Variants in IGF2R observed in about 807,000 individuals in gnomAD.
IGF2R encodes insulin like growth factor 2 receptor.
A neutral mutation model predicts 270.6 loss-of-function variants in IGF2R; 91 were observed. The observed-to-expected ratio is 0.34, with a 90% CI of 0.28 to 0.40. IGF2R has a LOEUF of 0.40. Among genes scored for constraint, IGF2R ranks in the 10% least tolerant of loss-of-function variants. IGF2R has a pLI of 1.00. For missense variants in IGF2R, 2,805 were observed against 3,188.3 expected (o/e 0.88, Z 2.90); for synonymous variants, 1,316 against 1,258.9 (o/e 1.05, Z -0.96).
intron 1 of IGF2R, among the ~76,000 whole-genome samples, chr6:159,974,411 C>G (rs1783657676): frequency 6.6e-6 from 1 of 152,160 alleles, no homozygotes; most frequent in African/African-American, 2.4e-5. Context: ...GCTTTAGGAG[C>G]TCCTCATGTC....
At chr6:160,068,929 A>G (rs1036025760) in intron 30 of IGF2R, among the ~76,000 whole-genome samples, 3 of 152,150 alleles carry the variant, frequency 2.0e-5, no homozygotes, top group Non-Finnish European at 2.9e-5. Context: ...GCCCAGGGTA[A>G]ATCAGTGCTG....
Position 160,107,938 on chromosome 6 carries a change from C to T in IGF2R, c.*2854C>T, listed in dbSNP as rs144715901. On this transcript the variant is annotated 3_prime_UTR_variant, in exon 48 of 48. Coordinates refer to ENST00000356956, the MANE Select transcript of IGF2R (RefSeq NM_000876.4). ...ATTCCTACAAACAAGGACCTTCACA[C>T]GACTAAGATGCCACCTGGTGATTAA... The T allele has an allele frequency of 7.9e-5, 12 of 152,304 alleles. No individual in the cohort carries two copies. Among genetic ancestry groups the T allele is most frequent in the Admixed American group, 2.0e-4 (3 of 15,310 alleles). The allele number at this position is 152,304 out of a possible 1,614,324, so 9.4% of individuals were successfully genotyped here. A position where few individuals can be genotyped will look rare whatever the true frequency, so the allele number is the denominator to read the frequency against.
rs1197072101 is a variant in IGF2R at position 160,088,158 on chromosome 6, T to C, written c.6320+11T>C. 6.6e-7 allele frequency: 1 copy of C among 1,504,042 alleles called. No individual in the cohort carries two copies. 93.2% of individuals were successfully genotyped at this position (1,504,042 alleles called of 1,614,324 possible). On this transcript the variant is annotated intron_variant, in intron 42 of 47. Coordinates refer to ENST00000356956, the MANE Select transcript of IGF2R (RefSeq NM_000876.4). ...ACCTGCATTCAAGAGGTCAGGAGAC[T>C]GGGGGCTCAGAGCGGGACTGTGCAG...
intron 1 of IGF2R, among the ~76,000 whole-genome samples, chr6:159,983,478 G>T (rs927743944): frequency 2.0e-5 from 3 of 152,222 alleles, no homozygotes; most frequent in African/African-American, 7.2e-5. Flanking sequence ...TTACAGTCAG[G>T]AGCAAAACAG....
At chr6:160,077,276 G>T (rs1006732663) in intron 36 of IGF2R, among the ~76,000 whole-genome samples, 2 of 152,140 alleles carry the variant, frequency 1.3e-5, no homozygotes, top group African/African-American at 2.4e-5. Context: ...GGGTGTCTGG[G>T]TGTGCCTCTG....
chr6:159,996,212 C>T (rs1425006478), intron 2 of IGF2R, among the ~76,000 whole-genome samples: 1 of 152,120 alleles, frequency 6.6e-6, no homozygotes, highest in Non-Finnish European at 1.5e-5. Flanking sequence ...AGGCAGAGTT[C>T]TCAGGAAGTT....
Position 160,090,004 on chromosome 6 carries a change from C to G in IGF2R, c.6556C>G (p.Pro2186Ala), listed in dbSNP as rs1425667522. The G allele has an allele frequency of 2.5e-6, 4 of 1,606,610 alleles. No homozygotes were observed. In the African/African-American group the frequency reaches 4.0e-5, roughly 16 times the overall value. Residue 2186 changes from proline to alanine, a missense_variant, in exon 44 of 48, where the codon CCG (proline) becomes GCG (alanine). Physicochemically the swap from Pro to Ala is conservative, Grantham distance 27. This residue lies in a region of IGF2R where 1,851 missense variants were observed against 2,207.2 expected (regional missense o/e 0.84). Coordinates refer to ENST00000356956, the MANE Select transcript of IGF2R (RefSeq NM_000876.4). Reference sequence around the variant, plus strand: ...TTCCTCCATCACAAGCTCCAGAAACCCGGCGTGCTCTGGAGCCAACATATG... The same window carrying G: ...TTCCTCCATCACAAGCTCCAGAAACGCGGCGTGCTCTGGAGCCAACATATG... ...QLSSITSSRN[P>A]ACSGANICQV... is the part of the protein sequence containing the mutation.
chr6:160,041,300 C>T (rs988155129), intron 11 of IGF2R, among the ~76,000 whole-genome samples: 2 of 152,088 alleles, frequency 1.3e-5, no homozygotes, highest in Non-Finnish European at 2.9e-5. Flanking sequence ...ATTAGGTGTA[C>T]AGAAGCCAGT....
At chr6:160,027,802 T>C (rs1181761113) in intron 6 of IGF2R, among the ~76,000 whole-genome samples, 1 of 152,242 alleles carries the variant, frequency 6.6e-6, no homozygotes, top group East Asian at 1.9e-4. Context: ...ACTGCCTTTG[T>C]ATCTTGCCTT....
At chr6:160,072,433 G>A (rs1778762273) in intron 32 of IGF2R, among the ~76,000 whole-genome samples, 1 of 152,184 alleles carries the variant, frequency 6.6e-6, no homozygotes, top group East Asian at 1.9e-4. Context: ...TGGGCACCCA[G>A]AAAGGCACAG....
chr6:160,054,530 CAG>C (rs1412372143), intron 19 of IGF2R, among the ~76,000 whole-genome samples: 1 of 152,108 alleles, frequency 6.6e-6, no homozygotes, highest in Non-Finnish European at 1.5e-5. Context: ...ATACCAGCAG[CAG>C]AGTCTTTCAA....
At chr6:160,056,384 T>C in intron 19 of IGF2R, 40 bp from the exon 20 acceptor site, 2 of 1,323,616 alleles carry the variant, frequency 1.5e-6, no homozygotes, top group Non-Finnish European at 1.1e-6. Context: ...TCAAGTTCCA[T>C]GTTACTGTAT....
chr6:160,057,550 A>G (rs1357465539), intron 20 of IGF2R, among the ~76,000 whole-genome samples: 1 of 152,190 alleles, frequency 6.6e-6, no homozygotes, highest in African/African-American at 2.4e-5. Flanking sequence ...CCTTCCCTGC[A>G]TTCAGTGGAC....
intron 10 of IGF2R, among the ~76,000 whole-genome samples, chr6:160,040,199 G>A (rs1253885479): frequency 6.6e-6 from 1 of 152,164 alleles, no homozygotes; most frequent in Non-Finnish European, 1.5e-5. Context: ...GTCACCCAGA[G>A]ATGTTCAGGA....
chr6:160,070,589 A>G (rs1449673098), intron 31 of IGF2R, among the ~76,000 whole-genome samples: 2 of 152,222 alleles, frequency 1.3e-5, no homozygotes, highest in Non-Finnish European at 2.9e-5. Context: ...GTCAGTGAGC[A>G]TGAGTGCCTG....
At chr6:160,048,287 A>G in intron 17 of IGF2R, 88 bp from the exon 18 acceptor site, 2 of 1,264,144 alleles carry the variant, frequency 1.6e-6, no homozygotes, top group Non-Finnish European at 2.3e-6. Context: ...TTTATTTGGT[A>G]GCTTTACTTC....
At chr6:160,046,275 C>T (rs9457814) in intron 14 of IGF2R, among the ~76,000 whole-genome samples, 328 of 152,234 alleles carry the variant, frequency 2.2e-3, no homozygotes, top group African/African-American at 7.8e-3. Context: ...TTTAGGCTAA[C>T]CCAGTAGAAG....
chr6:160,038,542 G>A (rs910055989), intron 10 of IGF2R, among the ~76,000 whole-genome samples: 3 of 152,278 alleles, frequency 2.0e-5, no homozygotes, highest in Admixed American at 6.5e-5. Flanking sequence ...AAACTTACAC[G>A]TTTTTCTTCA....
intron 11 of IGF2R, among the ~76,000 whole-genome samples, chr6:160,041,090 C>G (rs904597557): frequency 2.0e-5 from 3 of 152,126 alleles, no homozygotes; most frequent in African/African-American, 4.8e-5. Context: ...TGGGCTTGTA[C>G]TCGAGGCTGA....
Sources: gnomAD v4.1 joint callset for allele counts (sites outside exome capture counted in the v4.1 genomes callset) on GRCh38, gnomAD v4.1.1 for gene constraint, gnomAD v4.1.1 regional missense constraint, MANE v1.5 for transcripts, NCBI Gene and HGNC (gene_info 2026-07-23, HGNC 2026-07-21) for gene names.